FZR1: variants seen among roughly 807,000 people sequenced by gnomAD.
FZR1 encodes the protein fizzy and cell division cycle 20 related 1.
In FZR1, 11 loss-of-function variants were observed where a neutral mutation model predicts 63.6. That is an observed-to-expected ratio of 0.17 (90% CI 0.11 to 0.29). FZR1 has a LOEUF of 0.29. FZR1 is among the 10% of genes least tolerant of loss of function. The pLI is 1.00. For synonymous variants in FZR1, 328 were observed against 297.9 expected, an observed-to-expected ratio of 1.10 and a Z score of -1.04; for missense variants, 440 against 687.5, an observed-to-expected ratio of 0.64 and a Z score of 4.03.
chr19:3,512,230 G>A (rs925611225), intron 1 of FZR1, among the ~76,000 whole-genome samples: 2 of 152,178 alleles, frequency 1.3e-5, no homozygotes, highest in Admixed American at 6.5e-5. Context: ...CATGAGTCCC[G>A]GGCCCAGCCA....
rs2083282245 is a variant in FZR1 at position 3,534,950 on chromosome 19, C to T, written c.*114C>T. ...TTGTCCCCCGAGGAAGGCGGCTGGG[C>T]GGGCGGGGAGCTGGGCCTGGAGGAT... On this transcript the variant is annotated 3_prime_UTR_variant, in exon 14 of 14. Coordinates refer to ENST00000441788, the MANE Select transcript of FZR1 (RefSeq NM_016263.4). The T allele has an allele frequency of 9.4e-6, 8 of 851,014 alleles. No homozygotes were observed. Among genetic ancestry groups the T allele is most frequent in the Admixed American group, 3.7e-5 (2 of 53,760 alleles). The allele number at this position is 851,014 out of a possible 1,614,324, so 52.7% of individuals were successfully genotyped here. A position where few individuals can be genotyped will look rare whatever the true frequency, so the allele number is the denominator to read the frequency against.
intron 7 of FZR1, among the ~76,000 whole-genome samples, chr19:3,529,123 A>C (rs868569055): frequency 1.1e-5 from 1 of 91,692 alleles, no homozygotes; most frequent in Non-Finnish European, 2.2e-5. Flanking sequence ...AGCGGATGGG[A>C]GAGCGGATGG....
chr19:3,519,681 T>C (rs1381612774), intron 1 of FZR1, among the ~76,000 whole-genome samples: 5 of 152,198 alleles, frequency 3.3e-5, no homozygotes, highest in Non-Finnish European at 7.4e-5. Context: ...CCTCTGTGGC[T>C]GCACGCACCA....
intron 8 of FZR1, 130 bp from the exon 9 acceptor site, chr19:3,531,584 A>C: frequency 3.1e-6 from 2 of 642,094 alleles, no homozygotes; most frequent in Non-Finnish European, 5.5e-6. Flanking sequence ...AGGGACGTGC[A>C]TTCGAGAGTC....
intron 1 of FZR1, among the ~76,000 whole-genome samples, chr19:3,519,566 G>A (rs2083083411): frequency 6.6e-6 from 1 of 152,198 alleles, no homozygotes; most frequent in South Asian, 2.1e-4. Flanking sequence ...TTCGGGTCCT[G>A]CCTGGTTTTT....
chr19:3,507,362 T>A (rs888641039), intron 1 of FZR1, among the ~76,000 whole-genome samples: 166 of 150,164 alleles, frequency 1.1e-3, no homozygotes, highest in African/African-American at 4.0e-3. Context: ...TTACCCCTAC[T>A]CAAACCTGTG....
chr19:3,534,071 T>TC (rs2083273431), intron 12 of FZR1, among the ~76,000 whole-genome samples: 2 of 151,744 alleles, frequency 1.3e-5, no homozygotes, highest in African/African-American at 4.9e-5. Flanking sequence ...AAACTTTTTT[T>TC]AAATGAGGTG....
At chr19:3,528,814 G>C (rs1223321460) in intron 7 of FZR1, among the ~76,000 whole-genome samples, 1 of 131,440 alleles carries the variant, frequency 7.6e-6, no homozygotes, top group Non-Finnish European at 1.7e-5. Context: ...TACGTGGATG[G>C]GTGAGTGGAT....
Position 3,527,612 on chromosome 19 carries a change from C to T in FZR1, c.471-19C>T. 6.3e-7 allele frequency: 1 copy of T among 1,592,624 alleles called. No individual in the cohort carries two copies. Among genetic ancestry groups the T allele is most frequent in the Non-Finnish European group, 8.5e-7 (1 of 1,170,332 alleles). ...CCCAAGTGCCGTGGCTCACGGATGCCACGTGGCCGCCTCTGCAGCCAGAAG... is the reference window on the plus strand; with the variant it reads ...CCCAAGTGCCGTGGCTCACGGATGCTACGTGGCCGCCTCTGCAGCCAGAAG... On this transcript the variant is annotated intron_variant, in intron 6 of 13. Transcript: ENST00000441788.
Position 3,522,536 on chromosome 19 carries a change from C to T in FZR1, c.-34-420C>T, listed in dbSNP as rs546391702. ...GGCCTGTGCGTGGCCAGCTCTTGCA[C>T]ACTGCCTTAGAGCTGGTGTGGCTTG... On this transcript the variant is annotated intron_variant, in intron 1 of 13. Transcript: ENST00000441788. Among the ~76,000 whole-genome samples the T allele has an allele frequency of 3.3e-5, 5 of 152,328 alleles. No homozygotes were observed. In the East Asian group the frequency reaches 5.8e-4, roughly 18 times the overall value.
Position 3,530,786 on chromosome 19 carries a change from C to A in FZR1, c.655-6C>A. On this transcript the variant is annotated splice_region_variant and splice_polypyrimidine_tract_variant and intron_variant, in intron 7 of 13. Coordinates refer to ENST00000441788, the MANE Select transcript of FZR1 (RefSeq NM_016263.4). ...CGGCAAAGCTCACACTGACCTCTGC[C>A]TCCAGGTGACGCGGCTCTGTGACCT... The A allele has an allele frequency of 6.2e-7, 1 of 1,611,866 alleles. No homozygotes were observed.
At chr19:3,527,516 T>C in intron 6 of FZR1, 115 bp from the exon 7 acceptor site, 1 of 762,428 alleles carries the variant, frequency 1.3e-6, no homozygotes, top group Non-Finnish European at 2.1e-6. Context: ...GCGGTGGTGA[T>C]TGGAGGGGCC....
At chr19:3,518,884 C>T (rs2083078492) in intron 1 of FZR1, among the ~76,000 whole-genome samples, 1 of 152,236 alleles carries the variant, frequency 6.6e-6, no homozygotes, top group South Asian at 2.1e-4. Flanking sequence ...AAAGTGTTTC[C>T]TGGCAGCACA....
chr19:3,532,428 G>C lies in FZR1; in HGVS notation c.1020G>C (p.Trp340Cys). 6.3e-7 allele frequency: 1 copy of C among 1,592,870 alleles called. No homozygotes were observed. Among genetic ancestry groups the C allele is most frequent in the South Asian group, 1.1e-5 (1 of 89,978 alleles). ...SGGNDNKLLV[W>C]NHSSLSPVQQ... ...CCCCTGTCCCCCAGCTGCTGGTCTG[G>C]AATCACTCGAGCCTGAGCCCCGTGC... is the stretch of plus-strand genomic sequence containing the variant. Residue 340 changes from tryptophan to cysteine, a missense_variant, in exon 11 of 14, where the codon TGG becomes TGC. Trp to Cys is a radical substitution (Grantham distance 215). Transcript: ENST00000441788.
rs1034070006 is a variant in FZR1, at chr19:3,527,065, G to A, written c.470+3G>A. The A allele has an allele frequency of 6.2e-7, 1 of 1,604,328 alleles. No individual in the cohort carries two copies. Among genetic ancestry groups the A allele is most frequent in the Non-Finnish European group, 8.5e-7 (1 of 1,172,192 alleles). On this transcript the variant is annotated splice_donor_region_variant and intron_variant, in intron 6 of 13. Transcript: ENST00000441788. ...CTGTCTCCCGTCAGCAACAAGAGGTGGGTCCCAGCTTCCTCCGCAGCCCTC... is the reference window on the plus strand; with the variant it reads ...CTGTCTCCCGTCAGCAACAAGAGGTAGGTCCCAGCTTCCTCCGCAGCCCTC...
intron 7 of FZR1, among the ~76,000 whole-genome samples, chr19:3,528,816 TGAGTGGATGGGAGAATGGATGAGA>T (rs1437726038): frequency 4.9e-5 from 4 of 81,850 alleles, no homozygotes; most frequent in Non-Finnish European, 7.5e-5. Flanking sequence ...CGTGGATGGG[TGAGTGGATGGGAGAATGGATGAGA>T]GAGTGGATGG....
rs1323699674 is a variant in FZR1 at position 3,516,678 on chromosome 19, C to T, written c.-34-6278C>T. Among the ~76,000 whole-genome samples the T allele has an allele frequency of 2.0e-5, 3 of 152,216 alleles. No homozygotes were observed. The highest frequency in any genetic ancestry group is 2.9e-5 in the Non-Finnish European group (2 of 68,032). On this transcript the variant is annotated intron_variant, in intron 1 of 13. Transcript: ENST00000441788. The surrounding 1 kb of genome is among the most constrained non-coding windows in gnomAD (Gnocchi z 6.0). Reference sequence around the variant, plus strand: ...GTCTGCACACCCGTCTTGTGCACCCCTGCCCTCACTGCAGGGACAGACAGG... The same window carrying T: ...GTCTGCACACCCGTCTTGTGCACCCTTGCCCTCACTGCAGGGACAGACAGG...
chr19:3,527,941 G>GGCCTCCCA (rs1192701524), intron 7 of FZR1, 127 bp downstream of exon 7: 48 of 647,244 alleles, frequency 7.4e-5, no homozygotes, highest in African/African-American at 1.1e-4. Flanking sequence ...TCCTAGCTGG[G>GGCCTCCCA]GCCTCCCAGC....
Position 3,525,965 on chromosome 19 carries a change from A to G in FZR1, c.167A>G (p.Asn56Ser). Residue 56 changes from asparagine to serine, a missense_variant, in exon 3 of 14, where the codon AAC (asparagine) becomes AGC (serine). Asn to Ser is a conservative substitution (Grantham distance 46, BLOSUM62 1). Transcript: ENST00000441788. The surrounding 1 kb of genome is among the most constrained non-coding windows in gnomAD (Gnocchi z 4.2). ...TTCATCCCCTCCAGAGCCGGAGCCA[A>G]CTGGAGCGTGAACTTCCACAGGATT... ...DRFIPSRAGA[N>S]WSVNFHRINE... 1 of 1,612,370 alleles carries G rather than the reference A, an allele frequency of 6.2e-7. No homozygotes were observed. The highest frequency in any genetic ancestry group is 8.5e-7 in the Non-Finnish European group (1 of 1,179,818).
Sources: allele counts gnomAD v4.1 joint callset (sites outside exome capture counted in the v4.1 genomes callset), GRCh38; gene constraint gnomAD v4.1.1; non-coding constraint Gnocchi (gnomAD v3.1); transcripts MANE v1.5; gene names NCBI Gene and HGNC (gene_info 2026-07-23, HGNC 2026-07-21).